The following CDH13 variants were observed in gnomAD, a reference collection of about 807,000 sequenced individuals.
The protein encoded by CDH13 is cadherin-13.
A neutral mutation model predicts 63.8 loss-of-function variants in CDH13; 24 were observed. The ratio of observed to expected loss-of-function variants is 0.38; its 90% CI spans 0.27 to 0.53. The LOEUF (loss-of-function observed/expected upper bound fraction) is 0.53, where lower values mean the gene tolerates loss of function less well. Ranked by LOEUF, CDH13 falls within the 20% of genes least tolerant of loss-of-function variation. The pLI is 0.85. For missense variants in CDH13, 1,049 were observed against 903.1 expected, an observed-to-expected ratio of 1.16 and a Z score of -2.07; for synonymous variants, 503 against 355.3, an observed-to-expected ratio of 1.42 and a Z score of -4.67.
intron 5 of CDH13, among the ~76,000 whole-genome samples, chr16:83,292,239 G>A (rs576867479): frequency 1.3e-5 from 2 of 152,208 alleles, no homozygotes; most frequent in African/African-American, 4.8e-5. Context: ...GTGGGACTTA[G>A]TGGTACTTTC....
intron 4 of CDH13, among the ~76,000 whole-genome samples, chr16:83,208,678 A>G (rs1413789145): frequency 1.3e-5 from 2 of 152,198 alleles, no homozygotes; most frequent in Non-Finnish European, 2.9e-5. Context: ...TGCTGTTCAC[A>G]TGTGATTTGT....
intron 1 of CDH13, among the ~76,000 whole-genome samples, chr16:82,677,241 C>T (rs918750528): frequency 2.0e-5 from 3 of 152,176 alleles, no homozygotes; most frequent in Non-Finnish European, 4.4e-5. Flanking sequence ...ACTCATTCAT[C>T]CTTTGTATTT....
chr16:83,482,575 TA>T (rs1399660773), intron 6 of CDH13, among the ~76,000 whole-genome samples: 1 of 152,224 alleles, frequency 6.6e-6, no homozygotes, highest in East Asian at 1.9e-4. Context: ...TTAGGAGGTT[TA>T]TCCAGCCTTT....
At chr16:83,119,008 A>G (rs975312556) in intron 3 of CDH13, among the ~76,000 whole-genome samples, 11 of 152,236 alleles carry the variant, frequency 7.2e-5, no homozygotes, top group African/African-American at 2.4e-4. Flanking sequence ...CTTTTCTTCT[A>G]TGCCAGAGTC....
intron 2 of CDH13, among the ~76,000 whole-genome samples, chr16:82,997,969 A>T (rs1912431116): frequency 6.6e-6 from 1 of 152,228 alleles, no homozygotes; most frequent in Admixed American, 6.5e-5. Flanking sequence ...TAACCTACTT[A>T]GAAACTCTGT....
intron 7 of CDH13, among the ~76,000 whole-genome samples, chr16:83,556,955 C>G (rs139191736): frequency 1.7e-3 from 258 of 152,310 alleles, no homozygotes; most frequent in African/African-American, 5.8e-3. Flanking sequence ...AACCGATTTT[C>G]TACATAAGGG....
chr16:82,782,975 C>A (rs970825495), intron 1 of CDH13, among the ~76,000 whole-genome samples: 1 of 152,176 alleles, frequency 6.6e-6, no homozygotes, highest in Non-Finnish European at 1.5e-5. Flanking sequence ...GTGGAGCTTT[C>A]CCAGGTGCTG....
At chr16:83,450,610 C>T (rs991597716) in intron 6 of CDH13, among the ~76,000 whole-genome samples, 1 of 152,190 alleles carries the variant, frequency 6.6e-6, no homozygotes, top group Non-Finnish European at 1.5e-5. Flanking sequence ...GTGGCTTATG[C>T]CTGTAATCCC....
chr16:83,133,947 G>C (rs1311530229), intron 4 of CDH13, among the ~76,000 whole-genome samples: 3 of 152,210 alleles, frequency 2.0e-5, no homozygotes, highest in African/African-American at 4.8e-5. Context: ...ACACAGAGTA[G>C]CGACTCAAAT....
chr16:82,715,508 G>A (rs1332197552), intron 1 of CDH13, among the ~76,000 whole-genome samples: 1 of 152,156 alleles, frequency 6.6e-6, no homozygotes, highest in Non-Finnish European at 1.5e-5. Flanking sequence ...GATTTTATTT[G>A]ATTTTTGCAC....
At chr16:82,640,667 T>C (rs1168357077) in intron 1 of CDH13, among the ~76,000 whole-genome samples, 1 of 152,188 alleles carries the variant, frequency 6.6e-6, no homozygotes, top group African/African-American at 2.4e-5. Context: ...AAGACAGGGA[T>C]AGGGCAGAGG....
chr16:83,022,227 T>A (rs890110826), intron 2 of CDH13, among the ~76,000 whole-genome samples: 1 of 152,232 alleles, frequency 6.6e-6, no homozygotes, highest in East Asian at 1.9e-4. Context: ...GACATTGTCA[T>A]GCCCCAGCAA....
chr16:82,647,692 T>G (rs546838799), intron 1 of CDH13, among the ~76,000 whole-genome samples: 1 of 152,290 alleles, frequency 6.6e-6, no homozygotes, highest in Admixed American at 6.5e-5. Context: ...TACTCCAGCC[T>G]CAGAGAAAGC....
chr16:83,191,462 T>TAGATATATATATATATATATATATGCAC (rs768560727), intron 4 of CDH13, among the ~76,000 whole-genome samples: 2 of 105,562 alleles, frequency 1.9e-5, no homozygotes, highest in East Asian at 3.0e-4. Context: ...ATAGGAAATA[T>TAGATATATATATATATATATATATGCAC]ATATATATAT....
intron 1 of CDH13, among the ~76,000 whole-genome samples, chr16:82,853,131 C>T (rs1022408314): frequency 1.3e-5 from 2 of 152,114 alleles, no homozygotes; most frequent in Non-Finnish European, 2.9e-5. Flanking sequence ...GATCTCTGAG[C>T]TGCTACTTTA....
At position 83,307,368 on chromosome 16, in the gene CDH13, C is replaced by G. The variant is rs77516450; in HGVS notation, c.637-37494C>G. On this transcript the variant is annotated intron_variant, in intron 5 of 13. Transcript: ENST00000567109. ...CTGGGAAGATAAAGGTCAACTTAAA[C>G]CTGAGCTCCAGGCAGTGCTACCTCA... 7.8e-3 allele frequency among the ~76,000 whole-genome samples: 1,190 copies of G among 152,302 alleles called. 19 individuals are homozygous for G. The highest frequency in any genetic ancestry group is 0.026 in the African/African-American group (1,068 of 41,558).
chr16:82,795,696 C>G (rs1015904183), intron 1 of CDH13, among the ~76,000 whole-genome samples: 1 of 152,194 alleles, frequency 6.6e-6, no homozygotes, highest in Admixed American at 6.5e-5. Context: ...CTCTTAACCA[C>G]CCTATTGACC....
At chr16:83,138,201 T>C (rs2036380733) in intron 4 of CDH13, among the ~76,000 whole-genome samples, 1 of 152,042 alleles carries the variant, frequency 6.6e-6, no homozygotes, top group African/African-American at 2.4e-5. Flanking sequence ...GCATACACTC[T>C]CCCTAGGCTG....
At chr16:82,731,010 A>T (rs1320543514) in intron 1 of CDH13, among the ~76,000 whole-genome samples, 1 of 152,172 alleles carries the variant, frequency 6.6e-6, no homozygotes, top group Non-Finnish European at 1.5e-5. Context: ...CCTATTATTT[A>T]TGTATGGTGA....
Sources: gnomAD v4.1 joint callset for allele counts (sites outside exome capture counted in the v4.1 genomes callset) on GRCh38, gnomAD v4.1.1 for gene constraint, MANE v1.5 for transcripts, NCBI Gene and HGNC (gene_info 2026-07-23, HGNC 2026-07-21) for gene names.